Variants in PRPF19 observed in about 807,000 individuals in gnomAD.
PRPF19 encodes the protein pre-mRNA-processing factor 19.
In PRPF19, 2 loss-of-function variants were observed where a neutral mutation model predicts 64.2. The observed-to-expected ratio is 0.03, with a 90% CI of 0.01 to 0.10. PRPF19 has a LOEUF of 0.10. Among genes scored for constraint, PRPF19 ranks in the 10% least tolerant of loss-of-function variants. PRPF19 has a pLI of 1.00. For missense variants in PRPF19, 314 were observed against 650.0 expected, an observed-to-expected ratio of 0.48 and a Z score of 5.62; for synonymous variants, 226 against 251.6, an observed-to-expected ratio of 0.90 and a Z score of 0.96.
Position 60,898,967 on chromosome 11 carries a change from A to C in PRPF19, c.985-36T>G. Reference sequence around the variant, plus strand: ...AAAAAGAGACAATGGAGTCAGTGAGAAAGTGGGTCCCAGGTTCTGGTGGCC... The same window carrying C: ...AAAAAGAGACAATGGAGTCAGTGAGCAAGTGGGTCCCAGGTTCTGGTGGCC... On this transcript the variant is annotated intron_variant, in intron 11 of 15. Coordinates refer to ENST00000227524, the MANE Select transcript of PRPF19 (RefSeq NM_014502.5). The surrounding 1 kb of genome is among the most constrained non-coding windows in gnomAD (Gnocchi z 4.6). 1 of 1,553,716 alleles carries C rather than the reference A, an allele frequency of 6.4e-7. No homozygotes were observed.
chr11:60,902,288 T>C lies in PRPF19; in HGVS notation c.525+115A>G, dbSNP rs1159060773. The stretch of plus-strand genomic sequence containing the variant: ...CCAGGCAATCTGGTCCCAGGGTCCA[T>C]GCTCTGCACCACTCAACTCCCAAAA... On this transcript the variant is annotated intron_variant, in intron 6 of 15. Transcript: ENST00000227524. The surrounding 1 kb of genome is among the most constrained non-coding windows in gnomAD (Gnocchi z 5.0). 2.6e-6 allele frequency: 3 copies of C among 1,173,436 alleles called. No individual in the cohort carries two copies. Among genetic ancestry groups the C allele is most frequent in the African/African-American group, 3.0e-5 (2 of 65,886 alleles). 72.7% of individuals were successfully genotyped at this position (1,173,436 alleles called of 1,614,324 possible).
In PRPF19 at chr11:60,898,023, A is replaced by G; in HGVS notation, c.1312-72T>C. Reference sequence around the variant, plus strand: ...TATGGGGCAGTTGCGGATAAGCAGAAGCAATTAGATTAATTCAATAAATAA... The same window carrying G: ...TATGGGGCAGTTGCGGATAAGCAGAGGCAATTAGATTAATTCAATAAATAA... On this transcript the variant is annotated intron_variant, in intron 14 of 15. Coordinates refer to ENST00000227524, the MANE Select transcript of PRPF19 (RefSeq NM_014502.5). This position sits in a 1 kb window ranked among gnomAD's most constrained non-coding sequence, Gnocchi z 4.6. 6.2e-7 allele frequency: 1 copy of G among 1,608,300 alleles called. No individual in the cohort carries two copies. The highest frequency in any genetic ancestry group is 8.5e-7 in the Non-Finnish European group (1 of 1,176,000).
At chr11:60,896,724 G>A (rs914171236) in intron 15 of PRPF19, among the ~76,000 whole-genome samples, 2 of 152,196 alleles carry the variant, frequency 1.3e-5, no homozygotes, top group African/African-American at 4.8e-5. Flanking sequence ...TCATAGCAGT[G>A]TGAGAACGGA....
chr11:60,892,270 T>C (rs1253679851), intron 15 of PRPF19, among the ~76,000 whole-genome samples: 1 of 152,226 alleles, frequency 6.6e-6, no homozygotes, highest in African/African-American at 2.4e-5. Flanking sequence ...TGCAATTAAA[T>C]GTGTACATGT....
intron 2 of PRPF19, 67 bp downstream of exon 2, chr11:60,903,645 G>A: frequency 6.3e-7 from 1 of 1,578,852 alleles, no homozygotes; most frequent in Non-Finnish European, 8.6e-7. Context: ...CCAGTGCACT[G>A]GCACCACCTC....
Position 60,901,314 on chromosome 11 carries a change from C to T in PRPF19, c.623G>A (p.Arg208Gln), listed in dbSNP as rs146375869. 6.8e-6 allele frequency: 11 copies of T among 1,614,040 alleles called. No homozygotes were observed. The highest frequency in any genetic ancestry group is 1.6e-4 in the Middle Eastern group (1 of 6,080). ...LVKPEELSKY[R>Q]QVASHVGLHS... ...ACTCACCACGTGGGATGCCACCTGCCGGTATTTGCTGAGCTCTTCTGGCTT... is the reference window on the plus strand; with the variant it reads ...ACTCACCACGTGGGATGCCACCTGCTGGTATTTGCTGAGCTCTTCTGGCTT... Residue 208 changes from arginine (R) to glutamine (Q), a missense_variant, in exon 8 of 16, where the codon CGG (arginine) becomes CAG (glutamine). Arg to Gln is a conservative substitution (Grantham distance 43). Around this residue, in one of 7 missense-constraint regions of PRPF19, gnomAD observed 175 missense variants for 342.9 expected, o/e 0.51. Transcript: ENST00000227524.
At chr11:60,901,273 C>G (rs1936051653) in intron 8 of PRPF19, 22 bp downstream of exon 8, 1 of 1,611,928 alleles carries the variant, frequency 6.2e-7, no homozygotes, top group Admixed American at 1.7e-5. Flanking sequence ...GTCTCCAAGA[C>G]AGTGGAGACC....
chr11:60,898,465 G>A lies in PRPF19; in HGVS notation c.1140+76C>T. ...CCACCTTCAGGGCCAGGTGCCACAA[G>A]CACCTAATTAGCACTGCATTGTCAC... is the stretch of plus-strand genomic sequence containing the variant. On this transcript the variant is annotated intron_variant, in intron 13 of 15. Transcript: ENST00000227524. This position sits in a 1 kb window ranked among gnomAD's most constrained non-coding sequence, Gnocchi z 4.6. 1 of 1,605,000 alleles carries A rather than the reference G, an allele frequency of 6.2e-7. No individual in the cohort carries two copies. Among genetic ancestry groups the A allele is most frequent in the Non-Finnish European group, 8.5e-7 (1 of 1,174,746 alleles).
In PRPF19 at chr11:60,890,678, T is replaced by TTCCCAG. The variant is rs1565108312; in HGVS notation, c.*482_*487dup. 2.2e-6 allele frequency: 1 copy of TTCCCAG among 452,080 alleles called. No homozygotes were observed. The highest frequency in any genetic ancestry group is 2.4e-5 in the Admixed American group (1 of 42,338). 28.0% of individuals were successfully genotyped at this position (452,080 alleles called of 1,614,324 possible). A position where few individuals can be genotyped will look rare whatever the true frequency, so the allele number is the denominator to read the frequency against. ...CAGTGTGTGCTCCCTCCCCTTGACC[T>TTCCCAG]TCCCAGTCCCAGGTGCTCCTGGTGC... On this transcript the variant is annotated 3_prime_UTR_variant, in exon 16 of 16. Coordinates refer to ENST00000227524, the MANE Select transcript of PRPF19 (RefSeq NM_014502.5).
intron 15 of PRPF19, among the ~76,000 whole-genome samples, chr11:60,896,849 A>G (rs1855927416): frequency 1.3e-5 from 2 of 152,202 alleles, no homozygotes. Flanking sequence ...AAATTAGAAA[A>G]AAGCTTATAG....
intron 14 of PRPF19, 36 bp from the exon 15 acceptor site, chr11:60,897,987 G>A (rs1392012983): frequency 1.2e-6 from 2 of 1,610,804 alleles, no homozygotes; most frequent in Admixed American, 1.7e-5. Context: ...TCACACAAGG[G>A]GAACAGAAAC....
chr11:60,898,242 G>T lies in PRPF19; in HGVS notation c.1170C>A (p.Gly390=). 6.2e-7 allele frequency: 1 copy of T among 1,613,986 alleles called. No homozygotes were observed. Among genetic ancestry groups the T allele is most frequent in the South Asian group, 1.1e-5 (1 of 91,068 alleles). ...KERTNVANFP[G]HSGPITSIAF... ...CGATGCTAGTGATGGGGCCCGAGTG[G>T]CCAGGGAAGTTGGCCACATTAGTAC... The change falls in exon 14 of 16, where the codon GGC becomes GGA. Residue 390 remains glycine, a synonymous_variant. Coordinates refer to ENST00000227524, the MANE Select transcript of PRPF19 (RefSeq NM_014502.5). The surrounding 1 kb of genome is among the most constrained non-coding windows in gnomAD (Gnocchi z 4.6).
chr11:60,901,149 C>T (rs1273874608), intron 8 of PRPF19, 146 bp downstream of exon 8: 1 of 1,023,168 alleles, frequency 9.8e-7, no homozygotes, highest in African/African-American at 1.6e-5. Flanking sequence ...GCCCTGACAA[C>T]TCAGCAGCCC....
Position 60,903,511 on chromosome 11 carries a change from G to A in PRPF19, c.194C>T (p.Pro65Leu), listed in dbSNP as rs759887565. Residue 65 changes from proline (P) to leucine (L), a missense_variant, in exon 3 of 16, where the codon CCT becomes CTT. Physicochemically the swap from Pro to Leu is moderately conservative, Grantham distance 98 (BLOSUM62 -3). This residue lies in a region of PRPF19 where 66 missense variants were observed against 88.4 expected (regional missense o/e 0.75). Coordinates refer to ENST00000227524, the MANE Select transcript of PRPF19 (RefSeq NM_014502.5). ...IKVAHPIRPK[P>L]PSATSIPAIL... ...GGCCGGGATGCTGGTGGCTGAGGGA[G>A]GCTTGGGCCGGATTGGGTGAGCAAC... 2 of 1,614,006 alleles carry A rather than the reference G, an allele frequency of 1.2e-6. No individual in the cohort carries two copies. Among genetic ancestry groups the A allele is most frequent in the Admixed American group, 3.3e-5 (2 of 60,002 alleles).
intron 1 of PRPF19, among the ~76,000 whole-genome samples, chr11:60,905,073 A>G (rs1856028673): frequency 6.6e-6 from 1 of 152,098 alleles, no homozygotes; most frequent in Non-Finnish European, 1.5e-5. Context: ...TACATGGCAC[A>G]TTTGCATGGC....
chr11:60,900,495 G>T, intron 10 of PRPF19, 87 bp downstream of exon 10: 1 of 1,107,126 alleles, frequency 9.0e-7, no homozygotes, highest in Non-Finnish European at 1.3e-6. Flanking sequence ...CTCTTTCCCA[G>T]CCCCACTTCA....
chr11:60,896,856 A>C (rs1277100120), intron 15 of PRPF19, among the ~76,000 whole-genome samples: 1 of 152,222 alleles, frequency 6.6e-6, no homozygotes, highest in Non-Finnish European at 1.5e-5. Context: ...AAAAAAGCTT[A>C]TAGAACAAGG....
chr11:60,898,973 G>T lies in PRPF19; in HGVS notation c.985-42C>A. On this transcript the variant is annotated intron_variant, in intron 11 of 15. Transcript: ENST00000227524. This position sits in a 1 kb window ranked among gnomAD's most constrained non-coding sequence, Gnocchi z 4.6. ...AGACAATGGAGTCAGTGAGAAAGTGGGTCCCAGGTTCTGGTGGCCCTTCAG... is the reference window on the plus strand; with the variant it reads ...AGACAATGGAGTCAGTGAGAAAGTGTGTCCCAGGTTCTGGTGGCCCTTCAG... 7 of 1,542,860 alleles carry T rather than the reference G, an allele frequency of 4.5e-6. No individual in the cohort carries two copies. Among genetic ancestry groups the T allele is most frequent in the Non-Finnish European group, 6.2e-6 (7 of 1,136,402 alleles).
chr11:60,899,352 G>A (rs1855956958), intron 10 of PRPF19, 48 bp from the exon 11 acceptor site: 2 of 1,551,008 alleles, frequency 1.3e-6, no homozygotes, highest in Non-Finnish European at 1.8e-6. Context: ...AAGAGATACA[G>A]ACCAAAACAA....
Sources: allele counts gnomAD v4.1 joint callset (sites outside exome capture counted in the v4.1 genomes callset), GRCh38; gene constraint gnomAD v4.1.1; regional missense constraint gnomAD v4.1.1; non-coding constraint Gnocchi (gnomAD v3.1); transcripts MANE v1.5; gene names NCBI Gene and HGNC (gene_info 2026-07-23, HGNC 2026-07-21).